The following FBXO25 variants were observed in gnomAD, a reference collection of about 807,000 sequenced individuals.
The protein encoded by FBXO25 is F-box only protein 25.
A neutral mutation model predicts 51.9 loss-of-function variants in FBXO25; 45 were observed. The ratio of observed to expected loss-of-function variants is 0.87; its 90% CI spans 0.68 to 1.11. The LOEUF is 1.11. FBXO25 is among the 50% of genes most tolerant of loss of function. The pLI is 0.00. For missense variants in FBXO25, 507 were observed against 428.5 expected, an observed-to-expected ratio of 1.18 and a Z score of -1.62; for synonymous variants, 199 against 151.0, an observed-to-expected ratio of 1.32 and a Z score of -2.33.
rs1800591206 is a variant in FBXO25, at chr8:474,719, G to A, written c.*5915G>A. 1 of 456,260 alleles carries A rather than the reference G, an allele frequency of 2.2e-6. No individual in the cohort carries two copies. The highest frequency in any genetic ancestry group is 4.4e-6 in the Non-Finnish European group (1 of 226,944). The allele number at this position is 456,260 out of a possible 1,614,324, so 28.3% of individuals were successfully genotyped here. On this transcript the variant is annotated 3_prime_UTR_variant, in exon 10 of 10. Transcript: ENST00000350302. ...CTTTGTCCATTTTTCAATCAGGTGT[G>A]TGTTTTTATATGTTCTGGGTATTCA...
intron 8 of FBXO25, among the ~76,000 whole-genome samples, chr8:461,153 A>C (rs1799783325): frequency 6.6e-6 from 1 of 152,182 alleles, no homozygotes; most frequent in Non-Finnish European, 1.5e-5. Context: ...GGTCATTTTC[A>C]AAACTGTAAT....
chr8:437,980 G>C (rs180784846), intron 5 of FBXO25, among the ~76,000 whole-genome samples: 97 of 151,778 alleles, frequency 6.4e-4, no homozygotes, highest in African/African-American at 2.3e-3. Flanking sequence ...TAAAATGCTT[G>C]ATAAAAGGTT....
intron 5 of FBXO25, among the ~76,000 whole-genome samples, chr8:446,495 T>C (rs1798747158): frequency 6.6e-6 from 1 of 152,196 alleles, no homozygotes. Context: ...TGTGTGAATC[T>C]GAATCGCATC....
At chr8:431,218 A>T in intron 2 of FBXO25, 123 bp from the exon 3 acceptor site, 1 of 567,028 alleles carries the variant, frequency 1.8e-6, no homozygotes, top group East Asian at 3.3e-5. Flanking sequence ...TGTATTAGAC[A>T]TTACCCTTGT....
chr8:474,736 G>C lies in FBXO25; in HGVS notation c.*5932G>C. On this transcript the variant is annotated 3_prime_UTR_variant, in exon 10 of 10. Coordinates refer to ENST00000350302, the MANE Select transcript of FBXO25 (RefSeq NM_183420.2). The stretch of plus-strand genomic sequence containing the variant: ...TCAGGTGTGTGTTTTTATATGTTCT[G>C]GGTATTCACCCTTTTCAGATATATC... 1 of 456,634 alleles carries C rather than the reference G, an allele frequency of 2.2e-6. No individual in the cohort carries two copies. The highest frequency in any genetic ancestry group is 4.4e-6 in the Non-Finnish European group (1 of 226,960). 28.3% of individuals were successfully genotyped at this position (456,634 alleles called of 1,614,324 possible). A position where few individuals can be genotyped will look rare whatever the true frequency, so the allele number is the denominator to read the frequency against.
At chr8:423,873 C>T (rs1324396012) in intron 2 of FBXO25, among the ~76,000 whole-genome samples, 1 of 152,218 alleles carries the variant, frequency 6.6e-6, no homozygotes, top group East Asian at 1.9e-4. Context: ...CTCTAGACCA[C>T]TTCCCACAAT....
intron 7 of FBXO25, among the ~76,000 whole-genome samples, chr8:456,804 TGAG>T (rs1487065746): frequency 6.6e-6 from 1 of 152,122 alleles, no homozygotes; most frequent in Non-Finnish European, 1.5e-5. Flanking sequence ...CTGGGATGCA[TGAG>T]AAGGGCCCTG....
intron 2 of FBXO25, among the ~76,000 whole-genome samples, chr8:422,672 C>CT (rs1348430242): frequency 2.4e-4 from 36 of 152,188 alleles, no homozygotes; most frequent in Admixed American, 1.6e-3. Flanking sequence ...CTTTAAAAGT[C>CT]TTTTTAAGTC....
chr8:463,792 G>C (rs1378314616), intron 9 of FBXO25, among the ~76,000 whole-genome samples: 1 of 152,134 alleles, frequency 6.6e-6, no homozygotes, highest in African/African-American at 2.4e-5. Context: ...CACAGTCAGA[G>C]AGGTAACTGC....
chr8:474,974 A>G lies in FBXO25; in HGVS notation c.*6170A>G, dbSNP rs1176234176. The G allele has an allele frequency of 2.5e-6, 1 of 401,420 alleles. No homozygotes were observed. Among genetic ancestry groups the G allele is most frequent in the Non-Finnish European group, 4.8e-6 (1 of 207,420 alleles). The allele number at this position is 401,420 out of a possible 1,614,324, so 24.9% of individuals were successfully genotyped here. A position where few individuals can be genotyped will look rare whatever the true frequency, so the allele number is the denominator to read the frequency against. ...CACTCTGTTTTGTTCTTTGATGTAC[A>G]GAAGTTGTTTCTTTCTTTTAGTTAC... On this transcript the variant is annotated 3_prime_UTR_variant, in exon 10 of 10. Transcript: ENST00000350302.
chr8:452,047 A>G (rs551402344), intron 7 of FBXO25, among the ~76,000 whole-genome samples: 1 of 152,370 alleles, frequency 6.6e-6, no homozygotes, highest in African/African-American at 2.4e-5. Flanking sequence ...AACCGAAGAT[A>G]TATCTTAGCG....
intron 2 of FBXO25, among the ~76,000 whole-genome samples, chr8:413,465 T>A (rs10110960): frequency 0.55 from 83,693 of 151,936 alleles, 26,308 homozygotes; most frequent in African/African-American, 0.88. Context: ...AGGTATTATT[T>A]TTAATCCCAC....
At chr8:414,589 G>T (rs889535246) in intron 2 of FBXO25, among the ~76,000 whole-genome samples, 18 of 152,050 alleles carry the variant, frequency 1.2e-4, no homozygotes, top group African/African-American at 4.1e-4. Flanking sequence ...CATTTTAAAT[G>T]TCTGAGAATT....
At chr8:451,653 A>C (rs1799106321) in intron 7 of FBXO25, among the ~76,000 whole-genome samples, 200 bp downstream of exon 7, 2 of 152,210 alleles carry the variant, frequency 1.3e-5, no homozygotes, top group Admixed American at 1.3e-4. Context: ...GACAGTGGGA[A>C]TAGCAATCAT....
intron 1 of FBXO25, among the ~76,000 whole-genome samples, chr8:409,270 T>A (rs554270525): frequency 6.6e-6 from 1 of 152,340 alleles, no homozygotes; most frequent in East Asian, 1.9e-4. Flanking sequence ...TTCATTGTGA[T>A]CCATAGAGCA....
chr8:431,491 A>G (rs765886898), intron 3 of FBXO25, 47 bp downstream of exon 3: 1 of 959,324 alleles, frequency 1.0e-6, no homozygotes, highest in Non-Finnish European at 1.6e-6. Context: ...ATTACGTTGA[A>G]ATACTAAATT....
At position 461,100 on chromosome 8, in the gene FBXO25, G is replaced by A. The variant is rs192081759; in HGVS notation, c.844-1907G>A. 1.4e-3 allele frequency among the ~76,000 whole-genome samples: 218 copies of A among 152,228 alleles called. 1 individual carries two copies. The highest frequency in any genetic ancestry group is 5.1e-3 in the African/African-American group (210 of 41,548). ...ATTTTGTTTTTTGTTTCAGGCTTTT[G>A]TATGCACTCAAACATACACATTAAT... On this transcript the variant is annotated intron_variant, in intron 8 of 9. Transcript: ENST00000350302.
Position 470,881 on chromosome 8 carries a change from T to C in FBXO25, c.*2077T>C, listed in dbSNP as rs575445543. On this transcript the variant is annotated 3_prime_UTR_variant, in exon 10 of 10. Transcript: ENST00000350302. ...GTTTTTGGTAAATTACTTAATGTGG[T>C]ATTTGCCTGTTTTTTGGGGTGGATG... is the stretch of plus-strand genomic sequence containing the variant. The C allele has an allele frequency of 3.9e-5, 6 of 152,342 alleles. No individual in the cohort carries two copies. Among genetic ancestry groups the C allele is most frequent in the African/African-American group, 1.4e-4 (6 of 41,578 alleles). 9.4% of individuals were successfully genotyped at this position (152,342 alleles called of 1,614,324 possible).
In FBXO25 at chr8:471,398, T is replaced by G. The variant is rs1653133450; in HGVS notation, c.*2594T>G. 1 of 152,212 alleles carries G rather than the reference T, an allele frequency of 6.6e-6. No homozygotes were observed. The highest frequency in any genetic ancestry group is 6.5e-5 in the Admixed American group (1 of 15,286). 9.4% of individuals were successfully genotyped at this position (152,212 alleles called of 1,614,324 possible). On this transcript the variant is annotated 3_prime_UTR_variant, in exon 10 of 10. Coordinates refer to ENST00000350302, the MANE Select transcript of FBXO25 (RefSeq NM_183420.2). ...GAGAAGAGAAATCATAGATCTCCAC[T>G]TTGGAATGGTATTTTTGAATACAGT...
Sources: gnomAD v4.1 joint callset for allele counts (sites outside exome capture counted in the v4.1 genomes callset) on GRCh38, gnomAD v4.1.1 for gene constraint, MANE v1.5 for transcripts, NCBI Gene and HGNC (gene_info 2026-07-23, HGNC 2026-07-21) for gene names.